RRP12: variants seen among roughly 807,000 people sequenced by gnomAD.
RRP12 encodes the protein ribosomal RNA processing 12 homolog, also known as RRP12-like protein.
Under a neutral mutation model 157.3 loss-of-function variants are expected in RRP12, and 78 were observed. That is an observed-to-expected ratio of 0.50 (90% CI 0.41 to 0.60). The LOEUF (loss-of-function observed/expected upper bound fraction) is 0.60, where lower values mean the gene tolerates loss of function less well. Among genes scored for constraint, RRP12 ranks in the 20% least tolerant of loss-of-function variants. RRP12 has a pLI of 0.00. For synonymous variants in RRP12, 726 were observed against 670.9 expected (o/e 1.08, Z -1.27); for missense variants, 1,521 against 1,679.9 (o/e 0.91, Z 1.65).
At position 97,396,227 on chromosome 10, in the gene RRP12, G is replaced by C; in HGVS notation, c.444C>G (p.Phe148Leu). The change falls in exon 3 of 34, where the codon TTC becomes TTG. Residue 148 changes from phenylalanine to leucine, a missense_variant. Phe to Leu is a conservative substitution (Grantham distance 22). Coordinates refer to ENST00000370992, the MANE Select transcript of RRP12 (RefSeq NM_015179.4). Reference protein sequence around the residue: ...QGGKETETEYFAALMTTMEAV... With the variant: ...QGGKETETEYLAALMTTMEAV... ...AGTGGCACCCACTCACCAGAGCAGCGAAGTACTCAGTCTCCGTCTCCTTCC... is the reference window on the plus strand; with the variant it reads ...AGTGGCACCCACTCACCAGAGCAGCCAAGTACTCAGTCTCCGTCTCCTTCC... 1 of 1,611,732 alleles carries C rather than the reference G, an allele frequency of 6.2e-7. No individual in the cohort carries two copies. The highest frequency in any genetic ancestry group is 8.5e-7 in the Non-Finnish European group (1 of 1,178,258).
chr10:97,397,992 C>CAT (rs1564772333), intron 2 of RRP12, among the ~76,000 whole-genome samples: 42 of 42,786 alleles, frequency 9.8e-4, no homozygotes, highest in African/African-American at 4.2e-3. Flanking sequence ...AAAAAAAATA[C>CAT]GTATATATAT....
chr10:97,357,100 T>A lies in RRP12; in HGVS notation c.3888A>T (p.Arg1296=). 6.2e-7 allele frequency: 1 copy of A among 1,609,328 alleles called. No individual in the cohort carries two copies. Among genetic ancestry groups the A allele is most frequent in the Non-Finnish European group, 8.5e-7 (1 of 1,176,026 alleles). The change falls in exon 34 of 34, where the codon CGA becomes CGT. Residue 1296 remains arginine, a synonymous_variant. Transcript: ENST00000370992. ...VGHKNRRKDR[R]P ...AGCCCAGGGGCCCTGGGCCTCAGGG[T>A]CGACGATCCTTTCTGCGGTTTTTGT...
intron 29 of RRP12, among the ~76,000 whole-genome samples, chr10:97,364,957 A>C (rs1843933572): frequency 6.6e-6 from 1 of 152,170 alleles, no homozygotes; most frequent in Non-Finnish European, 1.5e-5. Flanking sequence ...GGGGCGAGAG[A>C]GGAGCAGAGA....
At position 97,373,177 on chromosome 10, in the gene RRP12, G is replaced by A. The variant is rs771850768; in HGVS notation, c.2050C>T (p.Arg684Cys). 1.2e-6 allele frequency: 2 copies of A among 1,614,172 alleles called. No homozygotes were observed. The highest frequency in any genetic ancestry group is 2.2e-5 in the East Asian group (1 of 44,884). ...QAEADRAEVS[R>C]FAKNFLPILF... ...ATCGGCAGAAAGTTCTTGGCAAAGCGACTCACTTCAGCACGGTCAGCCTCT... is the reference window on the plus strand; with the variant it reads ...ATCGGCAGAAAGTTCTTGGCAAAGCAACTCACTTCAGCACGGTCAGCCTCT... Residue 684 changes from arginine (R) to cysteine (C), a missense_variant, in exon 18 of 34, where the codon CGC (arginine) becomes TGC (cysteine). Physicochemically the swap from Arg to Cys is radical, Grantham distance 180. Coordinates refer to ENST00000370992, the MANE Select transcript of RRP12 (RefSeq NM_015179.4).
At chr10:97,358,131 G>C (rs1488444230) in intron 33 of RRP12, among the ~76,000 whole-genome samples, 1 of 151,816 alleles carries the variant, frequency 6.6e-6, no homozygotes, top group Admixed American at 6.6e-5. Flanking sequence ...TCAAGAGATC[G>C]AGACCATCCC....
chr10:97,368,655 G>A (rs552247109), intron 25 of RRP12, among the ~76,000 whole-genome samples: 1 of 152,346 alleles, frequency 6.6e-6, no homozygotes, highest in African/African-American at 2.4e-5. Flanking sequence ...ACTGCAGCCG[G>A]CCAGGGCTTG....
At chr10:97,361,846 C>T (rs1019692235) in intron 30 of RRP12, among the ~76,000 whole-genome samples, 11 of 152,186 alleles carry the variant, frequency 7.2e-5, no homozygotes, top group Non-Finnish European at 1.2e-4. Flanking sequence ...CGGTGGCTCA[C>T]GCCTGTAATC....
intron 30 of RRP12, among the ~76,000 whole-genome samples, chr10:97,360,912 C>T (rs1225025358): frequency 2.0e-5 from 3 of 152,216 alleles, no homozygotes; most frequent in Admixed American, 6.5e-5. Context: ...CTGCAATTGC[C>T]CAGAGGGCTT....
Position 97,401,339 on chromosome 10 carries a change from CT to C in RRP12, c.-109del. On this transcript the variant is annotated 5_prime_UTR_variant, in exon 1 of 34. Coordinates refer to ENST00000370992, the MANE Select transcript of RRP12 (RefSeq NM_015179.4). Reference sequence around the variant, plus strand: ...CCTGTAGCCTTCACTTCCTCTTCTTCTGGCGTCACTTCCGGATTCGTGTGCA... The same window carrying C: ...CCTGTAGCCTTCACTTCCTCTTCTTCGGCGTCACTTCCGGATTCGTGTGCA... The C allele has an allele frequency of 7.2e-7, 1 of 1,389,430 alleles. No individual in the cohort carries two copies. The highest frequency in any genetic ancestry group is 1.0e-6 in the Non-Finnish European group (1 of 1,003,946). The allele number at this position is 1,389,430 out of a possible 1,614,324, so 86.1% of individuals were successfully genotyped here. A position where few individuals can be genotyped will look rare whatever the true frequency, so the allele number is the denominator to read the frequency against.
At chr10:97,399,705 AC>A (rs1416507830) in intron 2 of RRP12, among the ~76,000 whole-genome samples, 2 of 151,182 alleles carry the variant, frequency 1.3e-5, no homozygotes, top group African/African-American at 4.9e-5. Flanking sequence ...AAATACACAC[AC>A]ACAAAAAATT....
In RRP12 at chr10:97,373,552, CCACTCCCACAGCCCA is replaced by C. The variant is rs1564755163; in HGVS notation, c.2026+8_2026+22del. 2 of 1,572,580 alleles carry C rather than the reference CCACTCCCACAGCCCA, an allele frequency of 1.3e-6. No individual in the cohort carries two copies. The highest frequency in any genetic ancestry group is 4.5e-5 in the East Asian group (2 of 44,314). On this transcript the variant is annotated splice_region_variant and intron_variant, in intron 17 of 33. Coordinates refer to ENST00000370992, the MANE Select transcript of RRP12 (RefSeq NM_015179.4). ...GGACCTGTGTCATCCTCCCCAGCCC[CCACTCCCACAGCCCA>C]CACGTACCTGCCTGGCAGCCCTTGG...
At chr10:97,398,350 G>A (rs1310487059) in intron 2 of RRP12, among the ~76,000 whole-genome samples, 1 of 65,428 alleles carries the variant, frequency 1.5e-5, no homozygotes, top group Non-Finnish European at 2.8e-5. Flanking sequence ...CACCGCGCCC[G>A]GCCTTTTTTT....
chr10:97,386,000 G>T lies in RRP12; in HGVS notation c.1018-7C>A. The T allele has an allele frequency of 6.3e-7, 1 of 1,574,898 alleles. No individual in the cohort carries two copies. The highest frequency in any genetic ancestry group is 8.6e-7 in the Non-Finnish European group (1 of 1,156,432). On this transcript the variant is annotated splice_polypyrimidine_tract_variant and splice_region_variant and intron_variant, in intron 8 of 33. Transcript: ENST00000370992. Reference sequence around the variant, plus strand: ...TGGCACAGGCTGTCACCAGCTGGAGGGGGACACACAGGCTTAGAAAGGAAC... The same window carrying T: ...TGGCACAGGCTGTCACCAGCTGGAGTGGGACACACAGGCTTAGAAAGGAAC...
chr10:97,379,349 C>A lies in RRP12; in HGVS notation c.1742G>T (p.Arg581Leu). 2 of 1,614,028 alleles carry A rather than the reference C, an allele frequency of 1.2e-6. No homozygotes were observed. Among genetic ancestry groups the A allele is most frequent in the South Asian group, 2.2e-5 (2 of 91,030 alleles). ...PVIRDHVQET[R>L]LGFFTTYFLP... ...GAAGTAGGTGGTGAAAAAACCAAGT[C>A]GCGTTTCCTGAACATGGTCTCGGAT... Residue 581 changes from arginine to leucine, a missense_variant, in exon 15 of 34, where the codon CGA (arginine) becomes CTA (leucine). By Grantham distance (102) the Arg-to-Leu change is moderately radical. Transcript: ENST00000370992.
intron 10 of RRP12, among the ~76,000 whole-genome samples, chr10:97,382,278 G>A (rs1844493644): frequency 6.6e-6 from 1 of 151,942 alleles, no homozygotes. Flanking sequence ...CTGAGTAGCT[G>A]GGGCTACAGG....
At chr10:97,367,402 A>G in intron 25 of RRP12, 1 of 529,084 alleles carries the variant, frequency 1.9e-6, no homozygotes, top group South Asian at 2.3e-5. Flanking sequence ...TACTTGACAT[A>G]TATCCTCTCC....
chr10:97,370,851 G>A, intron 21 of RRP12, 55 bp from the exon 22 acceptor site: 1 of 1,610,108 alleles, frequency 6.2e-7, no homozygotes, highest in East Asian at 2.2e-5. Flanking sequence ...CACCCAACAA[G>A]CCTCAACAGT....
intron 31 of RRP12, among the ~76,000 whole-genome samples, chr10:97,359,459 A>C (rs1843788921): frequency 6.6e-6 from 1 of 152,202 alleles, no homozygotes. Context: ...TTTCACACAA[A>C]CACTGAGATA....
intron 31 of RRP12, 55 bp downstream of exon 31, chr10:97,360,491 C>T (rs1589408247): frequency 1.4e-6 from 2 of 1,425,278 alleles, no homozygotes; most frequent in Non-Finnish European, 2.0e-6. Flanking sequence ...ACTCCCCTCC[C>T]TAATGCAGGT....
Sources: allele counts gnomAD v4.1 joint callset (sites outside exome capture counted in the v4.1 genomes callset), GRCh38; gene constraint gnomAD v4.1.1; transcripts MANE v1.5; gene names NCBI Gene and HGNC (gene_info 2026-07-23, HGNC 2026-07-21).